The following FBXL13 variants were observed in gnomAD, a reference collection of about 807,000 sequenced individuals.
FBXL13 encodes the protein F-box and leucine-rich repeat protein 13.
A neutral mutation model predicts 83.6 loss-of-function variants in FBXL13; 67 were observed. The observed-to-expected ratio is 0.80, with a 90% CI of 0.66 to 0.98. The LOEUF (loss-of-function observed/expected upper bound fraction) is 0.98. Ranked by LOEUF, FBXL13 falls within the 50% of genes least tolerant of loss-of-function variation. The probability of loss-of-function intolerance (pLI) is 0.00; values close to 1 mark genes in which losing one functional copy is unlikely to be tolerated. For synonymous variants in FBXL13, 272 were observed against 299.5 expected, an observed-to-expected ratio of 0.91 and a Z score of 0.95; for missense variants, 822 against 866.5, an observed-to-expected ratio of 0.95 and a Z score of 0.64.
chr7:103,057,907 G>A (rs562941539), intron 1 of FBXL13, among the ~76,000 whole-genome samples: 2 of 152,174 alleles, frequency 1.3e-5, no homozygotes, highest in South Asian at 4.2e-4. Flanking sequence ...CATGTTGGGG[G>A]TGGTCGGGAT....
chr7:102,832,379 A>G (rs1362107368), intron 18 of FBXL13, among the ~76,000 whole-genome samples: 1 of 152,202 alleles, frequency 6.6e-6, no homozygotes, highest in Non-Finnish European at 1.5e-5. Flanking sequence ...ATGAAGTTAT[A>G]TGTTGTTATA....
chr7:102,910,695 C>G (rs974883247), intron 11 of FBXL13, among the ~76,000 whole-genome samples: 1 of 152,180 alleles, frequency 6.6e-6, no homozygotes, highest in East Asian at 1.9e-4. Flanking sequence ...TACCTTTTTT[C>G]ACCCATAAGG....
At chr7:102,857,971 C>T (rs1806271302) in intron 16 of FBXL13, among the ~76,000 whole-genome samples, 1 of 152,044 alleles carries the variant, frequency 6.6e-6, no homozygotes, top group African/African-American at 2.4e-5. Flanking sequence ...AGGAAAGGAA[C>T]TCAGTATATC....
intron 10 of FBXL13, among the ~76,000 whole-genome samples, chr7:102,922,655 T>C (rs1380750339): frequency 1.3e-5 from 2 of 152,186 alleles, no homozygotes; most frequent in Non-Finnish European, 2.9e-5. Flanking sequence ...CTTATAAATG[T>C]AGCCAGCCAA....
intron 8 of FBXL13, among the ~76,000 whole-genome samples, chr7:102,948,059 G>A (rs1822809237): frequency 6.6e-6 from 1 of 151,442 alleles, no homozygotes; most frequent in South Asian, 2.1e-4. Flanking sequence ...ATTCAGTAAT[G>A]AGGATCTTTT....
Position 102,991,459 on chromosome 7 carries a change from A to G in FBXL13, c.496-23342T>C, listed in dbSNP as rs541008008. ...GTAGTGTCAAGAAGTCTGCCAACAC[A>G]TAACAGGAGAAAAATAGAATACTTA... On this transcript the variant is annotated intron_variant, in intron 6 of 19. Coordinates refer to ENST00000313221, the Ensembl canonical transcript of FBXL13. Among the ~76,000 whole-genome samples, 6 of 152,356 alleles carry G rather than the reference A, an allele frequency of 3.9e-5. No homozygotes were observed. In the East Asian group the frequency reaches 9.6e-4, roughly 24 times the overall value.
In FBXL13 at chr7:102,880,335, CTA is replaced by C. The variant is rs576425950; in HGVS notation, c.1389-1887_1389-1886del. ...TGAAATTAAGCTTAATCTTTTTACC[CTA>C]TATGTTATACTTTTTCATCCTCCCT... On this transcript the variant is annotated intron_variant, in intron 14 of 19. Transcript: ENST00000313221. 2.2e-3 allele frequency among the ~76,000 whole-genome samples: 333 copies of C among 152,204 alleles called. 2 individuals are homozygous for C. Among genetic ancestry groups the C allele is most frequent in the Non-Finnish European group, 4.0e-3 (271 of 68,010 alleles).
chr7:103,007,176 G>C (rs1791076295), intron 6 of FBXL13, among the ~76,000 whole-genome samples: 1 of 152,072 alleles, frequency 6.6e-6, no homozygotes, highest in African/African-American at 2.4e-5. Flanking sequence ...AAAAATAGCT[G>C]AGGAAATAAT....
At chr7:103,074,144 A>G in intron 1 of FBXL13, 3 of 770,372 alleles carry the variant, frequency 3.9e-6, no homozygotes, top group Non-Finnish European at 4.7e-6. Context: ...TACCTTCACA[A>G]AGGGCTGACT....
chr7:103,066,080 T>C (rs1392415858), intron 1 of FBXL13, among the ~76,000 whole-genome samples: 1 of 152,230 alleles, frequency 6.6e-6, no homozygotes, highest in African/African-American at 2.4e-5. Context: ...AAGGTCTAGA[T>C]CATGACACCA....
At chr7:102,924,644 T>TTC (rs1554460385) in intron 10 of FBXL13, among the ~76,000 whole-genome samples, 1 of 147,272 alleles carries the variant, frequency 6.8e-6, no homozygotes, top group East Asian at 2.0e-4. Context: ...AGCTTTTCTT[T>TTC]TTTTTTTTTT....
rs556636411 is a variant in FBXL13, at chr7:103,013,187, G to T, written c.495+11876C>A. On this transcript the variant is annotated intron_variant, in intron 6 of 19. Transcript: ENST00000313221. ...TTAGATAACTACACAATAATAGTGG[G>T]AGCCTTGAATACCCCCACTGACACT... Among the ~76,000 whole-genome samples, 12 of 152,294 alleles carry T rather than the reference G, an allele frequency of 7.9e-5. No homozygotes were observed. In the South Asian group the frequency reaches 2.1e-3, roughly 26 times the overall value.
At chr7:102,827,841 T>A (rs1345657206) in intron 18 of FBXL13, among the ~76,000 whole-genome samples, 2 of 152,160 alleles carry the variant, frequency 1.3e-5, no homozygotes, top group Admixed American at 6.5e-5. Context: ...CCATGGGGAA[T>A]CCTTTCCCCA....
intron 11 of FBXL13, among the ~76,000 whole-genome samples, chr7:102,909,941 C>A (rs1438323572): frequency 2.0e-5 from 3 of 152,144 alleles, no homozygotes; most frequent in Non-Finnish European, 2.9e-5. Flanking sequence ...TGTCTCTGTG[C>A]CTAGTTGAGC....
At chr7:102,974,229 A>G (rs1452201687) in intron 6 of FBXL13, among the ~76,000 whole-genome samples, 2 of 152,110 alleles carry the variant, frequency 1.3e-5, no homozygotes, top group African/African-American at 4.8e-5. Flanking sequence ...GCTCTACTAA[A>G]AATACAAAAA....
At chr7:102,983,458 C>T in intron 6 of FBXL13, among the ~76,000 whole-genome samples, 1 of 137,418 alleles carries the variant, frequency 7.3e-6, no homozygotes, top group East Asian at 2.0e-4. Context: ...CTCGTTCTGT[C>T]ACCCAGGCTG....
intron 14 of FBXL13, among the ~76,000 whole-genome samples, chr7:102,881,192 T>C (rs1319191113): frequency 6.6e-6 from 1 of 152,120 alleles, no homozygotes; most frequent in Non-Finnish European, 1.5e-5. Context: ...ACGCCTGTAA[T>C]CCCAGCACTT....
In FBXL13 at chr7:102,832,688, A is replaced by T. The variant is rs10487282; in HGVS notation, c.1854+152T>A. On this transcript the variant is annotated intron_variant, in intron 18 of 19. Transcript: ENST00000313221. ...TTTGACACCAGTGGAATCATAAGCT[A>T]TTTCCAATTTGAGGATAGAAGAAAA... The T allele has an allele frequency of 9.7e-3, 8,797 of 905,274 alleles. 510 individuals carry two copies. In the East Asian group the frequency reaches 0.14, roughly 15 times the overall value. The allele number at this position is 905,274 out of a possible 1,614,324, so 56.1% of individuals were successfully genotyped here. A position where few individuals can be genotyped will look rare whatever the true frequency, so the allele number is the denominator to read the frequency against.
At chr7:102,839,697 C>G (rs1802595405) in intron 17 of FBXL13, among the ~76,000 whole-genome samples, 1 of 152,178 alleles carries the variant, frequency 6.6e-6, no homozygotes, top group Non-Finnish European at 1.5e-5. Context: ...CCGCCTGCCT[C>G]AGCCTCCCAA....
Sources: allele counts gnomAD v4.1 joint callset (sites outside exome capture counted in the v4.1 genomes callset), GRCh38; gene constraint gnomAD v4.1.1; transcripts MANE v1.5; gene names NCBI Gene and HGNC (gene_info 2026-07-23, HGNC 2026-07-21).